Variants in ABLIM1 observed in about 807,000 individuals in gnomAD.
ABLIM1 encodes the protein actin binding LIM protein 1.
Under a neutral mutation model 107.0 loss-of-function variants are expected in ABLIM1, and 40 were observed. The ratio of observed to expected loss-of-function variants is 0.37; its 90% CI spans 0.29 to 0.49. The LOEUF (loss-of-function observed/expected upper bound fraction) is 0.49. Ranked by LOEUF, ABLIM1 falls within the 20% of genes least tolerant of loss-of-function variation. ABLIM1 has a pLI of 0.97. For synonymous variants in ABLIM1, 357 were observed against 357.3 expected, an observed-to-expected ratio of 1.00 and a Z score of 0.01; for missense variants, 857 against 1,008.5, an observed-to-expected ratio of 0.85 and a Z score of 2.04.
chr10:114,555,692 T>C (rs2483538), intron 4 of ABLIM1, among the ~76,000 whole-genome samples: 42,004 of 151,992 alleles, frequency 0.28, 6,941 homozygotes, highest in African/African-American at 0.46. Flanking sequence ...CTGAGACTTA[T>C]AAAACGTCCA....
In ABLIM1 at chr10:114,447,869, C is replaced by G; in HGVS notation, c.1735+11G>C. On this transcript the variant is annotated intron_variant, in intron 15 of 22. Transcript: ENST00000533213. Reference sequence around the variant, plus strand: ...GTTTGTCCCTTTGACTTAGCCGTGACAGTTGCATACCTACGACAGCAAATG... The same window carrying G: ...GTTTGTCCCTTTGACTTAGCCGTGAGAGTTGCATACCTACGACAGCAAATG... 6.2e-7 allele frequency: 1 copy of G among 1,614,046 alleles called. No individual in the cohort carries two copies. The highest frequency in any genetic ancestry group is 8.5e-7 in the Non-Finnish European group (1 of 1,179,974).
intron 1 of ABLIM1, among the ~76,000 whole-genome samples, chr10:114,752,404 A>G (rs1423408751): frequency 6.6e-6 from 1 of 152,230 alleles, no homozygotes; most frequent in Non-Finnish European, 1.5e-5. Context: ...CGCAACCTTA[A>G]AAAGAATGAA....
intron 1 of ABLIM1, among the ~76,000 whole-genome samples, chr10:114,609,673 A>T (rs2076673967): frequency 6.6e-6 from 1 of 152,236 alleles, no homozygotes; most frequent in African/African-American, 2.4e-5. Flanking sequence ...AAATAGGGTT[A>T]TCCCTAATAA....
intron 1 of ABLIM1, among the ~76,000 whole-genome samples, chr10:114,620,922 T>C (rs4752039): frequency 0.18 from 28,063 of 151,962 alleles, 3,014 homozygotes; most frequent in African/African-American, 0.3. Flanking sequence ...CAGGCTCCAC[T>C]CAGGTCACCT....
intron 2 of ABLIM1, 159 bp downstream of exon 2, chr10:114,601,668 G>A: frequency 8.2e-7 from 1 of 1,222,536 alleles, no homozygotes; most frequent in Non-Finnish European, 1.2e-6. Context: ...TCGCCCTAGA[G>A]TCTAACTGAA....
intron 10 of ABLIM1, among the ~76,000 whole-genome samples, chr10:114,471,059 A>T (rs1009169011): frequency 9.3e-5 from 14 of 151,308 alleles, no homozygotes; most frequent in Middle Eastern, 3.4e-3. Context: ...TAATTTTTGT[A>T]TTTTTTTTCT....
intron 4 of ABLIM1, among the ~76,000 whole-genome samples, chr10:114,554,428 TC>T (rs1241423832): frequency 6.6e-6 from 1 of 152,190 alleles, no homozygotes; most frequent in Non-Finnish European, 1.5e-5. Flanking sequence ...GCACAGTGGC[TC>T]ACACCTTAAA....
At chr10:114,547,330 G>A (rs1196510084) in intron 5 of ABLIM1, among the ~76,000 whole-genome samples, 1 of 152,142 alleles carries the variant, frequency 6.6e-6, no homozygotes, top group Admixed American at 6.5e-5. Flanking sequence ...GAGAACAAAG[G>A]CTTACTAGTT....
intron 1 of ABLIM1, among the ~76,000 whole-genome samples, chr10:114,647,162 A>AT (rs1035898932): frequency 3.6e-4 from 54 of 151,982 alleles, no homozygotes; most frequent in Non-Finnish European, 2.1e-4. Flanking sequence ...TGCCCAGCTC[A>AT]TTTTTTTGTA....
intron 1 of ABLIM1, among the ~76,000 whole-genome samples, chr10:114,726,089 A>G (rs76027660): frequency 0.047 from 7,102 of 152,136 alleles, 241 homozygotes; most frequent in African/African-American, 0.085. Flanking sequence ...AAGCGTTTCC[A>G]TATTTTTAAG....
chr10:114,454,529 C>A (rs1565316789), intron 12 of ABLIM1, among the ~76,000 whole-genome samples: 1 of 152,052 alleles, frequency 6.6e-6, no homozygotes, highest in Admixed American at 6.6e-5. Flanking sequence ...GCCACCTTGT[C>A]TGGAAGGCAT....
chr10:114,618,007 G>A (rs2077236637), intron 1 of ABLIM1, among the ~76,000 whole-genome samples: 1 of 152,142 alleles, frequency 6.6e-6, no homozygotes, highest in East Asian at 1.9e-4. Context: ...ATGCATGATG[G>A]TAATTGCCTG....
chr10:114,444,205 G>A (rs1036829377), intron 16 of ABLIM1, 71 bp from the exon 17 acceptor site: 2 of 1,329,314 alleles, frequency 1.5e-6, no homozygotes, highest in African/African-American at 1.5e-5. Context: ...TGGAGCTGCA[G>A]TTTCTTTGTA....
chr10:114,644,306 A>AAAAAAAAT (rs1408072252), intron 1 of ABLIM1, among the ~76,000 whole-genome samples: 27 of 52,246 alleles, frequency 5.2e-4, no homozygotes, highest in Non-Finnish European at 7.2e-4. Flanking sequence ...AAAAAAAAAA[A>AAAAAAAAT]ATATATATAT....
At chr10:114,750,984 G>C (rs808308) in intron 1 of ABLIM1, among the ~76,000 whole-genome samples, 8,733 of 152,260 alleles carry the variant, frequency 0.057, 326 homozygotes, top group Middle Eastern at 0.095. Context: ...TGAAGAATCT[G>C]CCTTAACTAA....
At chr10:114,614,283 C>T (rs949969276) in intron 1 of ABLIM1, among the ~76,000 whole-genome samples, 1 of 151,956 alleles carries the variant, frequency 6.6e-6, no homozygotes, top group African/African-American at 2.4e-5. Flanking sequence ...GAAACCCAGT[C>T]TCTACTAAAA....
rs1292925847 is a variant in ABLIM1 at position 114,433,304 on chromosome 10, AG to A, written c.*2955del. The A allele has an allele frequency of 3.3e-5, 5 of 152,372 alleles. No homozygotes were observed. The South Asian group carries it at 8.3e-4, about 25-fold the overall frequency. The allele number at this position is 152,372 out of a possible 1,614,324, so 9.4% of individuals were successfully genotyped here. ...GGACATTTTGAGGACAAGCATGCTG[AG>A]CCCAGTTTAACTAAATGTGCAGGCA... is the stretch of plus-strand genomic sequence containing the variant. On this transcript the variant is annotated 3_prime_UTR_variant, in exon 23 of 23. Coordinates refer to ENST00000533213, the MANE Select transcript of ABLIM1 (RefSeq NM_002313.7).
Position 114,575,472 on chromosome 10 carries a change from C to A in ABLIM1, c.507G>T (p.Val169=). 1 of 1,614,176 alleles carries A rather than the reference C, an allele frequency of 6.2e-7. No homozygotes were observed. ...HGCGEFVEGE[V]VTALGKTYHP... The stretch of plus-strand genomic sequence containing the variant: ...GGTAGGTCTTGCCCAGAGCAGTCAC[C>A]ACTTCGCCCTCCACGAACTCCCCAC... Residue 169 remains valine (V), a synonymous_variant, in exon 3 of 23, where the codon GTG becomes GTT. Coordinates refer to ENST00000533213, the MANE Select transcript of ABLIM1 (RefSeq NM_002313.7).
the ABLIM1 span, among the ~76,000 whole-genome samples, chr10:114,798,052 A>C: frequency 6.6e-6 from 1 of 152,058 alleles, no homozygotes; most frequent in Non-Finnish European, 1.5e-5. Flanking sequence ...AGGTAACTGT[A>C]TAATGACTAT....
Sources: gnomAD v4.1 joint callset for allele counts (sites outside exome capture counted in the v4.1 genomes callset) on GRCh38, gnomAD v4.1.1 for gene constraint, MANE v1.5 for transcripts, NCBI Gene and HGNC (gene_info 2026-07-23, HGNC 2026-07-21) for gene names.